RALGAPA2: variants seen among roughly 807,000 people sequenced by gnomAD.
RALGAPA2 encodes ral GTPase-activating protein subunit alpha-2.
In RALGAPA2, 139 loss-of-function variants were observed where a neutral mutation model predicts 230.4. The observed-to-expected ratio is 0.60, with a 90% CI of 0.53 to 0.69. The LOEUF (loss-of-function observed/expected upper bound fraction) is 0.69, where lower values mean the gene tolerates loss of function less well. Ranked by LOEUF, RALGAPA2 falls within the 30% of genes least tolerant of loss-of-function variation. The probability of loss-of-function intolerance (pLI) is 0.00; values close to 1 mark genes in which losing one functional copy is unlikely to be tolerated. For missense variants in RALGAPA2, 2,163 were observed against 2,276.0 expected (o/e 0.95, Z 1.01); for synonymous variants, 847 against 837.8 (o/e 1.01, Z -0.19).
At chr20:20,644,246 A>G (rs1178357868) in intron 4 of RALGAPA2, among the ~76,000 whole-genome samples, 1 of 152,264 alleles carries the variant, frequency 6.6e-6, no homozygotes, top group Non-Finnish European at 1.5e-5. Flanking sequence ...CTTTTAAAAC[A>G]GAAATATACT....
At chr20:20,557,202 CAG>C (rs2064110477) in intron 23 of RALGAPA2, among the ~76,000 whole-genome samples, 1 of 151,988 alleles carries the variant, frequency 6.6e-6, no homozygotes, top group Non-Finnish European at 1.5e-5. Flanking sequence ...CCCAGCTACT[CAG>C]TAGGCTGAGG....
chr20:20,468,941 CTGTG>C lies in RALGAPA2; in HGVS notation c.5495+3884_5495+3887del, dbSNP rs373453686. 3.8e-4 allele frequency among the ~76,000 whole-genome samples: 57 copies of C among 148,152 alleles called. 1 individual carries two copies. The highest frequency in any genetic ancestry group is 3.2e-3 in the South Asian group (15 of 4,654). On this transcript the variant is annotated intron_variant, in intron 37 of 39. Transcript: ENST00000202677. ...CTTAAATGTTTCCATCACCTCCATC[CTGTG>C]TGTGTGTGTGTGTGTGTTTGTGTGT...
rs1359986545 is a variant in RALGAPA2, at chr20:20,390,307, G to C, written c.*2982C>G. 4 of 152,216 alleles carry C rather than the reference G, an allele frequency of 2.6e-5. No homozygotes were observed. Among genetic ancestry groups the C allele is most frequent in the Admixed American group, 1.3e-4 (2 of 15,280 alleles). The allele number at this position is 152,216 out of a possible 1,614,324, so 9.4% of individuals were successfully genotyped here. On this transcript the variant is annotated 3_prime_UTR_variant, in exon 40 of 40. Transcript: ENST00000202677. ...CCACTTCCCCAACATGTGGCTCTTA[G>C]GAACCGCAGACTTTGTTGCTGAGGC...
rs970842560 is a variant in RALGAPA2, at chr20:20,705,332, G to C, written c.106+7043C>G. On this transcript the variant is annotated intron_variant, in intron 1 of 39. Coordinates refer to ENST00000202677, the MANE Select transcript of RALGAPA2 (RefSeq NM_020343.4). ...AGTGATCCTCCAGCCTCAGCCTCCC[G>C]AGGAGCTGGGACCACAGCACATGCA... is the stretch of plus-strand genomic sequence containing the variant. 2.5e-4 allele frequency among the ~76,000 whole-genome samples: 38 copies of C among 152,144 alleles called. 1 individual carries two copies. Among genetic ancestry groups the C allele is most frequent in the South Asian group, 2.1e-4 (1 of 4,818 alleles).
In RALGAPA2 at chr20:20,611,085, C is replaced by T. The variant is rs146502419; in HGVS notation, c.1800+230G>A. ...GCCATCAGAGCTTCCTAATTCCTAC[C>T]ACCCTTGAGCAAATTAAAAGAGGAA... On this transcript the variant is annotated intron_variant, in intron 14 of 39. Coordinates refer to ENST00000202677, the MANE Select transcript of RALGAPA2 (RefSeq NM_020343.4). Among the ~76,000 whole-genome samples, 241 of 152,254 alleles carry T rather than the reference C, an allele frequency of 1.6e-3. 1 individual carries two copies. Among genetic ancestry groups the T allele is most frequent in the African/African-American group, 5.6e-3 (231 of 41,538 alleles).
intron 15 of RALGAPA2, 38 bp from the exon 16 acceptor site, chr20:20,601,884 T>A: frequency 6.6e-7 from 1 of 1,505,436 alleles, no homozygotes; most frequent in Non-Finnish European, 9.0e-7. Flanking sequence ...AAGGCTGAAT[T>A]CATTATTATT....
chr20:20,473,018 A>C, intron 36 of RALGAPA2, 62 bp from the exon 37 acceptor site: 1 of 1,510,824 alleles, frequency 6.6e-7, no homozygotes, highest in Non-Finnish European at 9.0e-7. Flanking sequence ...CAAAGATATG[A>C]GAGTAGCTGA....
rs1366113066 is a variant in RALGAPA2 at position 20,611,362 on chromosome 20, G to C, written c.1753C>G (p.Gln585Glu). 2 of 1,613,520 alleles carry C rather than the reference G, an allele frequency of 1.2e-6. No individual in the cohort carries two copies. The highest frequency in any genetic ancestry group is 8.5e-7 in the Non-Finnish European group (1 of 1,179,638). ...CTCTGGGCAAACAAGTCCTTTATTT[G>C]TTTATCCTTTGGCTTCTGCATGACA... Reference protein sequence around the residue: ...EAVMQKPKDKQIKDLFAQSLA... With the variant: ...EAVMQKPKDKEIKDLFAQSLA... Residue 585 changes from glutamine to glutamate, a missense_variant, in exon 14 of 40, where the codon CAA becomes GAA. Coordinates refer to ENST00000202677, the MANE Select transcript of RALGAPA2 (RefSeq NM_020343.4).
rs375329177 is a variant in RALGAPA2, at chr20:20,571,530, G to A, written c.3084C>T (p.Asp1028=). Reference sequence around the variant, plus strand: ...CCAGGAAATCTGAGTTTGGCAGAACGTCCTGGCGTCTGGTCATCATGGCAC... The same window carrying A: ...CCAGGAAATCTGAGTTTGGCAGAACATCCTGGCGTCTGGTCATCATGGCAC... ...LICAMMTRRQ[D]VLPNSDFLVH... Residue 1028 remains aspartate (D), a synonymous_variant, in exon 23 of 40, where the codon GAC becomes GAT. Transcript: ENST00000202677. 207 of 1,612,532 alleles carry A rather than the reference G, an allele frequency of 1.3e-4. No homozygotes were observed. Among genetic ancestry groups the A allele is most frequent in the Admixed American group, 2.2e-4 (13 of 59,796 alleles).
At chr20:20,572,115 T>A (rs2064662369) in intron 21 of RALGAPA2, among the ~76,000 whole-genome samples, 169 bp from the exon 22 acceptor site, 1 of 152,246 alleles carries the variant, frequency 6.6e-6, no homozygotes, top group Non-Finnish European at 1.5e-5. Context: ...TTGAATTACA[T>A]GTTTGGCTTA....
At chr20:20,563,720 T>C (rs1238062181) in intron 23 of RALGAPA2, among the ~76,000 whole-genome samples, 2 of 152,138 alleles carry the variant, frequency 1.3e-5, no homozygotes, top group Non-Finnish European at 2.9e-5. Context: ...TGAACCAACA[T>C]TTGCCTTGAC....
intron 39 of RALGAPA2, among the ~76,000 whole-genome samples, chr20:20,395,493 C>T (rs1244405148): frequency 6.6e-6 from 1 of 152,238 alleles, no homozygotes; most frequent in Admixed American, 6.5e-5. Context: ...GGAGGACATG[C>T]ATGGAGACGG....
At chr20:20,441,392 G>A (rs1436525911) in intron 37 of RALGAPA2, among the ~76,000 whole-genome samples, 1 of 152,216 alleles carries the variant, frequency 6.6e-6, no homozygotes, top group Admixed American at 6.5e-5. Context: ...GTGAGTGTGG[G>A]TGGACCTGTG....
In RALGAPA2 at chr20:20,635,459, T is replaced by C. The variant is rs774846404; in HGVS notation, c.964A>G (p.Asn322Asp). ...LEKKYLTATQ[N>D]TKNGVDVLPK... Reference sequence around the variant, plus strand: ...AATACATCAACTCCATTTTTAGTGTTTTGTGTTGCAGTTAGATACTTTTTT... The same window carrying C: ...AATACATCAACTCCATTTTTAGTGTCTTGTGTTGCAGTTAGATACTTTTTT... The change falls in exon 9 of 40, where the codon AAC becomes GAC. Residue 322 changes from asparagine (N) to aspartate (D), a missense_variant. Coordinates refer to ENST00000202677, the MANE Select transcript of RALGAPA2 (RefSeq NM_020343.4). 3 of 1,602,494 alleles carry C rather than the reference T, an allele frequency of 1.9e-6. No individual in the cohort carries two copies. The highest frequency in any genetic ancestry group is 4.5e-5 in the East Asian group (2 of 44,512).
At chr20:20,677,999 G>A (rs1329825729) in intron 2 of RALGAPA2, among the ~76,000 whole-genome samples, 1 of 152,036 alleles carries the variant, frequency 6.6e-6, no homozygotes, top group Non-Finnish European at 1.5e-5. Flanking sequence ...CTATGGGATG[G>A]GAGAGGGCAC....
At chr20:20,454,354 G>A (rs2061059920) in intron 37 of RALGAPA2, among the ~76,000 whole-genome samples, 1 of 152,216 alleles carries the variant, frequency 6.6e-6, no homozygotes, top group African/African-American at 2.4e-5. Context: ...TGACCGGCAG[G>A]CAGCTGCTGA....
intron 26 of RALGAPA2, among the ~76,000 whole-genome samples, chr20:20,534,138 G>A (rs1328413720): frequency 6.6e-6 from 1 of 152,120 alleles, no homozygotes; most frequent in Non-Finnish European, 1.5e-5. Context: ...CCATAGAAGT[G>A]AAAGAGATAA....
intron 37 of RALGAPA2, among the ~76,000 whole-genome samples, chr20:20,434,509 C>T (rs535188057): frequency 3.9e-5 from 6 of 152,218 alleles, no homozygotes; most frequent in African/African-American, 1.2e-4. Context: ...TAAAAACAGA[C>T]GGAGGCCACC....
At position 20,390,590 on chromosome 20, in the gene RALGAPA2, G is replaced by A. The variant is rs925524881; in HGVS notation, c.*2699C>T. The A allele has an allele frequency of 6.6e-6, 1 of 152,082 alleles. No homozygotes were observed. The highest frequency in any genetic ancestry group is 2.4e-5 in the African/African-American group (1 of 41,382). The allele number at this position is 152,082 out of a possible 1,614,324, so 9.4% of individuals were successfully genotyped here. A position where few individuals can be genotyped will look rare whatever the true frequency, so the allele number is the denominator to read the frequency against. On this transcript the variant is annotated 3_prime_UTR_variant, in exon 40 of 40. Transcript: ENST00000202677. ...TGACCTACTGGTACCACCGTGATGA[G>A]TCAGCGCTGTGCCTCAGGTGGGGCC...
Sources: allele counts gnomAD v4.1 joint callset (sites outside exome capture counted in the v4.1 genomes callset), GRCh38; gene constraint gnomAD v4.1.1; transcripts MANE v1.5; gene names NCBI Gene and HGNC (gene_info 2026-07-23, HGNC 2026-07-21).